The following KCNN2 variants were observed in gnomAD, a reference collection of about 807,000 sequenced individuals.
The protein encoded by KCNN2 is potassium calcium-activated channel subfamily N member 2.
Under a neutral mutation model 55.5 loss-of-function variants are expected in KCNN2, and 24 were observed. That is an observed-to-expected ratio of 0.43 (90% confidence interval 0.31 to 0.61). The LOEUF (loss-of-function observed/expected upper bound fraction) is 0.61. KCNN2 is among the 20% of genes least tolerant of loss of function. KCNN2 has a pLI of 0.08. For missense variants in KCNN2, 754 were observed against 853.6 expected, an observed-to-expected ratio of 0.88 and a Z score of 1.45; for synonymous variants, 431 against 336.1, an observed-to-expected ratio of 1.28 and a Z score of -3.09.
At chr5:114,166,737 C>G (rs567075836) in intron 1 of KCNN2, among the ~76,000 whole-genome samples, 1 of 152,222 alleles carries the variant, frequency 6.6e-6, no homozygotes, top group South Asian at 2.1e-4. Context: ...GCATTTCCTC[C>G]AAATTCATAT....
intron 3 of KCNN2, among the ~76,000 whole-genome samples, chr5:114,409,540 G>A (rs1444996692): frequency 6.6e-6 from 1 of 152,068 alleles, no homozygotes. Flanking sequence ...GTCCATCCAA[G>A]CATCCTCTCC....
intron 2 of KCNN2, among the ~76,000 whole-genome samples, chr5:114,372,419 G>A (rs951009885): frequency 9.9e-4 from 150 of 152,176 alleles, no homozygotes; most frequent in African/African-American, 3.4e-3. Flanking sequence ...AATTTTATGA[G>A]GACTTATTAA....
chr5:114,378,981 A>G (rs746717198), intron 2 of KCNN2, among the ~76,000 whole-genome samples: 1 of 152,116 alleles, frequency 6.6e-6, no homozygotes, highest in South Asian at 2.1e-4. Context: ...TAATTTGCTT[A>G]TTGCTGTTTC....
intron 2 of KCNN2, among the ~76,000 whole-genome samples, chr5:114,312,410 CACACACACACACACACACACACACAT>C (rs1756408012): frequency 1.9e-5 from 1 of 51,858 alleles, no homozygotes; most frequent in Admixed American, 2.2e-4. Flanking sequence ...CACACACACA[CACACACACACACACACACACACACAT>C]ATATATATAT....
chr5:114,321,017 C>T (rs1435389273), intron 2 of KCNN2, among the ~76,000 whole-genome samples: 2 of 152,172 alleles, frequency 1.3e-5, no homozygotes, highest in Non-Finnish European at 2.9e-5. Context: ...CTCCCATGCT[C>T]CTGCTGTCCC....
intron 2 of KCNN2, among the ~76,000 whole-genome samples, chr5:114,338,373 G>A (rs1271021423): frequency 6.6e-6 from 1 of 152,156 alleles, no homozygotes; most frequent in Non-Finnish European, 1.5e-5. Flanking sequence ...TATTGCACAT[G>A]TAAAAGTTTT....
chr5:114,423,096 A>C (rs555109758), intron 3 of KCNN2, among the ~76,000 whole-genome samples: 1 of 152,192 alleles, frequency 6.6e-6, no homozygotes, highest in African/African-American at 2.4e-5. Flanking sequence ...TATTTTCCCA[A>C]ATTTTCATGG....
intron 2 of KCNN2, among the ~76,000 whole-genome samples, chr5:114,373,986 A>G (rs1757858630): frequency 6.6e-6 from 1 of 151,926 alleles, no homozygotes; most frequent in Non-Finnish European, 1.5e-5. Context: ...TTAGTTCTGA[A>G]TCTTCCTGTG....
chr5:114,259,632 A>G (rs1755060223), intron 2 of KCNN2, among the ~76,000 whole-genome samples: 1 of 152,308 alleles, frequency 6.6e-6, no homozygotes, highest in Middle Eastern at 3.4e-3. Flanking sequence ...TAATAAAAAA[A>G]AAAGTCCTCA....
intron 2 of KCNN2, among the ~76,000 whole-genome samples, chr5:114,315,421 CTGTGTGTGTGTGTGTGTGTGTG>C (rs34000645): frequency 7.0e-6 from 1 of 142,882 alleles, no homozygotes; most frequent in South Asian, 2.3e-4. Context: ...AAGGCAGAAA[CTGTGTGTGTGTGTGTGTGTGTG>C]TGTGTGTGTG....
chr5:114,327,279 C>CA (rs1328383989), intron 2 of KCNN2, among the ~76,000 whole-genome samples: 1 of 152,208 alleles, frequency 6.6e-6, no homozygotes, highest in East Asian at 1.9e-4. Flanking sequence ...CTGCCTCACT[C>CA]AAAATCAATA....
chr5:114,339,012 C>T (rs4705664), intron 2 of KCNN2, among the ~76,000 whole-genome samples: 17,671 of 152,264 alleles, frequency 0.12, 1,276 homozygotes, highest in South Asian at 0.2. Flanking sequence ...GAGAATTATG[C>T]GGTCAGTCAT....
chr5:114,138,025 G>A (rs967683783), intron 1 of KCNN2, among the ~76,000 whole-genome samples: 1 of 152,060 alleles, frequency 6.6e-6, no homozygotes, highest in Non-Finnish European at 1.5e-5. Flanking sequence ...TTTACCAGGT[G>A]GTCAAAATTT....
chr5:114,338,684 G>A (rs1205736367), intron 2 of KCNN2, among the ~76,000 whole-genome samples: 1 of 152,176 alleles, frequency 6.6e-6, no homozygotes, highest in Non-Finnish European at 1.5e-5. Context: ...GTAAAGAATA[G>A]CACTGCAATG....
At chr5:114,145,761 G>C (rs1269393271) in intron 1 of KCNN2, among the ~76,000 whole-genome samples, 1 of 152,118 alleles carries the variant, frequency 6.6e-6, no homozygotes, top group Non-Finnish European at 1.5e-5. Context: ...GGCCCAATAT[G>C]TATAGTTTTT....
At chr5:114,131,220 T>C (rs1291186520) in intron 1 of KCNN2, among the ~76,000 whole-genome samples, 4 of 152,152 alleles carry the variant, frequency 2.6e-5, no homozygotes, top group African/African-American at 9.7e-5. Flanking sequence ...CTGCACGAAT[T>C]AACCCATCAC....
chr5:114,440,255 G>T (rs970074981), intron 3 of KCNN2, among the ~76,000 whole-genome samples: 1 of 152,148 alleles, frequency 6.6e-6, no homozygotes, highest in African/African-American at 2.4e-5. Flanking sequence ...AAAAACTAGA[G>T]CTGGAATATA....
At chr5:114,134,549 C>T (rs1366701615) in intron 1 of KCNN2, among the ~76,000 whole-genome samples, 1 of 151,332 alleles carries the variant, frequency 6.6e-6, no homozygotes, top group Non-Finnish European at 1.5e-5. Flanking sequence ...GATCTCAGCT[C>T]ACTGCAACCT....
intron 1 of KCNN2, among the ~76,000 whole-genome samples, chr5:114,087,044 G>A (rs554849074): frequency 2.6e-5 from 4 of 152,082 alleles, no homozygotes; most frequent in Non-Finnish European, 5.9e-5. Context: ...GGGATGAGGA[G>A]CGTTTTTTCA....
Sources: gnomAD v4.1 joint callset for allele counts (sites outside exome capture counted in the v4.1 genomes callset) on GRCh38, gnomAD v4.1.1 for gene constraint, MANE v1.5 for transcripts, NCBI Gene and HGNC (gene_info 2026-07-23, HGNC 2026-07-21) for gene names.